Variants in MIA3 observed in about 807,000 individuals in gnomAD.
MIA3 encodes MIA SH3 domain ER export factor 3, also known as transport and Golgi organization protein 1 homolog.
A neutral mutation model predicts 192.4 loss-of-function variants in MIA3; 90 were observed. The ratio of observed to expected loss-of-function variants is 0.47; its 90% CI spans 0.39 to 0.56. The LOEUF (loss-of-function observed/expected upper bound fraction) is 0.56. MIA3 is among the 20% of genes least tolerant of loss of function. The pLI, the probability that MIA3 is intolerant of heterozygous loss-of-function variation, is 0.00. For missense variants in MIA3, 2,123 were observed against 2,269.4 expected, an observed-to-expected ratio of 0.94 and a Z score of 1.31; for synonymous variants, 740 against 792.8, an observed-to-expected ratio of 0.93 and a Z score of 1.12.
intron 6 of MIA3, among the ~76,000 whole-genome samples, chr1:222,638,169 T>C (rs992428169): frequency 6.6e-6 from 1 of 152,184 alleles, no homozygotes; most frequent in South Asian, 2.1e-4. Context: ...ATATACTTTT[T>C]AGTGCACATG....
rs1260178036 is a variant in MIA3 at position 222,653,248 on chromosome 1, A to G, written c.4230A>G (p.Thr1410=). 1 of 1,613,172 alleles carries G rather than the reference A, an allele frequency of 6.2e-7. No individual in the cohort carries two copies. Among genetic ancestry groups the G allele is most frequent in the Admixed American group, 1.7e-5 (1 of 59,950 alleles). Residue 1410 remains threonine (T), a synonymous_variant, in exon 15 of 28, where the codon ACA becomes ACG. Coordinates refer to ENST00000344922, the MANE Select transcript of MIA3 (RefSeq NM_198551.4). ...TCTAGGCTTTGACTAACTGCATTAC[A>G]CAGTTGAATCTGTTAGAGTGTGAAT... The part of the protein sequence containing the change: ...DNINALTNCI[T]QLNLLECESE...
intron 3 of MIA3, among the ~76,000 whole-genome samples, chr1:222,625,333 T>C (rs1662065001): frequency 6.6e-6 from 1 of 152,230 alleles, no homozygotes; most frequent in African/African-American, 2.4e-5. Context: ...ACAAGGCTTT[T>C]CTTTGCTGCT....
chr1:222,625,805 C>A (rs1662089415), intron 3 of MIA3, among the ~76,000 whole-genome samples: 1 of 152,122 alleles, frequency 6.6e-6, no homozygotes, highest in African/African-American at 2.4e-5. Flanking sequence ...GGTGCGATAC[C>A]AGCTCACTGC....
intron 7 of MIA3, among the ~76,000 whole-genome samples, chr1:222,647,439 ATT>A (rs1433650934): frequency 1.3e-5 from 2 of 152,286 alleles, no homozygotes; most frequent in East Asian, 3.9e-4. Flanking sequence ...TCTTTTTCTG[ATT>A]TCATAATTAT....
intron 27 of MIA3, among the ~76,000 whole-genome samples, chr1:222,664,459 C>T (rs975283597): frequency 7.9e-5 from 12 of 152,172 alleles, no homozygotes; most frequent in Admixed American, 5.9e-4. Flanking sequence ...AGATAAAATA[C>T]ATCCCCTAAC....
At chr1:222,665,242 A>G in intron 27 of MIA3, 67 bp from the exon 28 acceptor site, 1 of 1,148,544 alleles carries the variant, frequency 8.7e-7, no homozygotes, top group Non-Finnish European at 1.3e-6. Context: ...CTATATTAAC[A>G]TACCTGGCAT....
At chr1:222,644,624 C>A in intron 6 of MIA3, 1 of 1,549,598 alleles carries the variant, frequency 6.5e-7, no homozygotes, top group South Asian at 1.2e-5. Context: ...CCCAAGCTGT[C>A]ACAGGCGGGT....
chr1:222,658,134 G>GAC (rs1219868239), intron 18 of MIA3, among the ~76,000 whole-genome samples: 1 of 152,204 alleles, frequency 6.6e-6, no homozygotes, highest in African/African-American at 2.4e-5. Context: ...CTGTTCAACA[G>GAC]ACATTGCCAG....
Position 222,621,052 on chromosome 1 carries a change from T to C in MIA3, c.134-107T>C, listed in dbSNP as rs565929287. 9 of 911,770 alleles carry C rather than the reference T, an allele frequency of 9.9e-6. No individual in the cohort carries two copies. In the East Asian group the frequency reaches 2.4e-4, roughly 24 times the overall value. 56.5% of individuals were successfully genotyped at this position (911,770 alleles called of 1,614,324 possible). On this transcript the variant is annotated intron_variant, in intron 1 of 27. Transcript: ENST00000344922. ...AATTCCAGAGAGTACTGGAAAAACT[T>C]GGTTGTTGTTTATAGTGGGATTCTT... is the stretch of plus-strand genomic sequence containing the variant.
Position 222,665,754 on chromosome 1 carries a change from T to C in MIA3, c.*135T>C. On this transcript the variant is annotated 3_prime_UTR_variant, in exon 28 of 28. Transcript: ENST00000344922. ...TGTTAGAACTAAGCTGCCTTGGCAG[T>C]GTGCATTTTTGAGCCAAACAATTCA... is the stretch of plus-strand genomic sequence containing the variant. 1.5e-6 allele frequency: 1 copy of C among 657,034 alleles called. No individual in the cohort carries two copies. Among genetic ancestry groups the C allele is most frequent in the Non-Finnish European group, 2.3e-6 (1 of 438,104 alleles). 40.7% of individuals were successfully genotyped at this position (657,034 alleles called of 1,614,324 possible).
At chr1:222,664,933 T>G (rs571456524) in intron 27 of MIA3, 56 of 469,662 alleles carry the variant, frequency 1.2e-4, no homozygotes, top group South Asian at 8.9e-4. Context: ...TCCCAGCACT[T>G]TATGAATCCC....
At position 222,627,868 on chromosome 1, in the gene MIA3, A is replaced by C. The variant is rs199934669; in HGVS notation, c.648A>C (p.Gln216His). 5.0e-5 allele frequency: 80 copies of C among 1,613,996 alleles called. No homozygotes were observed. Among genetic ancestry groups the C allele is most frequent in the Admixed American group, 1.7e-5 (1 of 60,008 alleles). ...TQKHHSHANS[Q>H]ANHAQGEQAS... ...AGCACCACTCCCATGCAAACAGCCA[A>C]GCAAATCATGCTCAGGGAGAGCAGG... Residue 216 changes from glutamine (Q) to histidine (H), a missense_variant, in exon 4 of 28, where the codon CAA becomes CAC. Transcript: ENST00000344922.
chr1:222,621,807 T>G (rs1457300477), intron 2 of MIA3, among the ~76,000 whole-genome samples: 1 of 100,880 alleles, frequency 9.9e-6, no homozygotes, highest in Non-Finnish European at 2.6e-5. Context: ...GCTTTCTTGT[T>G]TGTTTGTTTT....
At chr1:222,663,358 T>A (rs1664120569) in intron 26 of MIA3, among the ~76,000 whole-genome samples, 1 of 152,034 alleles carries the variant, frequency 6.6e-6, no homozygotes, top group East Asian at 1.9e-4. Flanking sequence ...GAGACTACTT[T>A]GTTAGAAAGG....
At chr1:222,636,114 C>T (rs1662613301) in intron 6 of MIA3, among the ~76,000 whole-genome samples, 1 of 152,210 alleles carries the variant, frequency 6.6e-6, no homozygotes, top group African/African-American at 2.4e-5. Context: ...CCATTTTATA[C>T]TTCCATCAGC....
chr1:222,667,936 C>G lies in MIA3; in HGVS notation c.*2317C>G, dbSNP rs574114427. Reference sequence around the variant, plus strand: ...AGTAATTCGTGGGATGTGGTATATTCTGTGTCAACTTCAAGATAATCACTC... The same window carrying G: ...AGTAATTCGTGGGATGTGGTATATTGTGTGTCAACTTCAAGATAATCACTC... On this transcript the variant is annotated 3_prime_UTR_variant, in exon 28 of 28. Transcript: ENST00000344922. 6.6e-6 allele frequency: 1 copy of G among 152,242 alleles called. No individual in the cohort carries two copies. The highest frequency in any genetic ancestry group is 1.9e-4 in the East Asian group (1 of 5,188). 9.4% of individuals were successfully genotyped at this position (152,242 alleles called of 1,614,324 possible).
Position 222,628,432 on chromosome 1 carries a change from G to A in MIA3, c.1212G>A (p.Glu404=). Residue 404 remains glutamate, a synonymous_variant, in exon 4 of 28, where the codon GAG becomes GAA. Coordinates refer to ENST00000344922, the MANE Select transcript of MIA3 (RefSeq NM_198551.4). ...GEETRDTMDL[E]SSSSEEEKED... The stretch of plus-strand genomic sequence containing the variant: ...AAACAAGAGATACGATGGATTTAGA[G>A]AGCTCTAGTTCAGAGGAAGAAAAAG... 2 of 1,613,770 alleles carry A rather than the reference G, an allele frequency of 1.2e-6. No homozygotes were observed. The highest frequency in any genetic ancestry group is 1.7e-6 in the Non-Finnish European group (2 of 1,179,922).
At chr1:222,618,326 C>T in intron 1 of MIA3, 83 bp downstream of exon 1, 1 of 1,238,668 alleles carries the variant, frequency 8.1e-7, no homozygotes, top group Non-Finnish European at 1.0e-6. Flanking sequence ...GCGGCGGCGC[C>T]GCCTGGGCTG....
intron 6 of MIA3, among the ~76,000 whole-genome samples, chr1:222,643,444 T>G (rs752472905): frequency 4.6e-5 from 7 of 152,194 alleles, no homozygotes; most frequent in Non-Finnish European, 8.8e-5. Flanking sequence ...CACCCTTCAC[T>G]GCTCTTCTTT....
Sources: gnomAD v4.1 joint callset for allele counts (sites outside exome capture counted in the v4.1 genomes callset) on GRCh38, gnomAD v4.1.1 for gene constraint, MANE v1.5 for transcripts, NCBI Gene and HGNC (gene_info 2026-07-23, HGNC 2026-07-21) for gene names.